CEP83: variants seen among roughly 807,000 people sequenced by gnomAD.
CEP83 encodes the protein centrosomal protein 83.
In CEP83, 70 loss-of-function variants were observed where a neutral mutation model predicts 101.9. The ratio of observed to expected loss-of-function variants is 0.69; its 90% CI spans 0.57 to 0.84. The LOEUF is 0.84. Among genes scored for constraint, CEP83 ranks in the 40% least tolerant of loss-of-function variants. The pLI is 0.00. For missense variants in CEP83, 715 were observed against 787.2 expected (o/e 0.91, Z 1.10); for synonymous variants, 264 against 267.9 (o/e 0.99, Z 0.14).
At chr12:94,444,185 G>C (rs1481949647) in intron 1 of CEP83, among the ~76,000 whole-genome samples, 2 of 152,144 alleles carry the variant, frequency 1.3e-5, no homozygotes, top group East Asian at 3.9e-4. Context: ...GATCACCTGA[G>C]GTCAGAAATT....
chr12:94,326,251 A>G (rs558387444), intron 14 of CEP83, among the ~76,000 whole-genome samples: 3 of 152,290 alleles, frequency 2.0e-5, no homozygotes, highest in African/African-American at 4.8e-5. Flanking sequence ...ACCTTGCCCA[A>G]TGCATTTCTC....
chr12:94,436,702 G>A (rs943384968), intron 1 of CEP83, among the ~76,000 whole-genome samples: 1 of 151,752 alleles, frequency 6.6e-6, no homozygotes, highest in African/African-American at 2.4e-5. Flanking sequence ...ACAGTGGCGT[G>A]CACCTGTAGT....
chr12:94,448,015 G>C (rs186598408), intron 1 of CEP83, among the ~76,000 whole-genome samples: 4 of 151,952 alleles, frequency 2.6e-5, no homozygotes, highest in African/African-American at 9.7e-5. Flanking sequence ...ATTCAAAGGG[G>C]GGATTATATT....
At chr12:94,269,206 G>A in the CEP83 span, among the ~76,000 whole-genome samples, 185 of 152,320 alleles carry the variant, frequency 1.2e-3, 2 homozygotes, top group African/African-American at 4.3e-3. Flanking sequence ...CCAATCTGCT[G>A]TATCTGAGAG....
At chr12:94,435,730 G>A (rs568733405) in intron 1 of CEP83, among the ~76,000 whole-genome samples, 2 of 152,224 alleles carry the variant, frequency 1.3e-5, no homozygotes, top group African/African-American at 2.4e-5. Context: ...CTGTTCCAAC[G>A]GAGAAAACAG....
At chr12:94,353,507 C>A (rs930601332) in intron 11 of CEP83, among the ~76,000 whole-genome samples, 4 of 151,910 alleles carry the variant, frequency 2.6e-5, no homozygotes, top group African/African-American at 9.7e-5. Context: ...ATTAAGAGAG[C>A]AAGAAAGAAA....
chr12:94,329,142 A>G (rs1450371046), intron 14 of CEP83, among the ~76,000 whole-genome samples: 1 of 152,250 alleles, frequency 6.6e-6, no homozygotes, highest in Non-Finnish European at 1.5e-5. Context: ...CACATTTTAA[A>G]AAGTAAAATG....
chr12:94,348,524 C>T (rs7311289), intron 11 of CEP83, among the ~76,000 whole-genome samples: 14,325 of 152,002 alleles, frequency 0.094, 796 homozygotes, highest in Admixed American at 0.15. Context: ...CAGATTGTGA[C>T]ATGCGACAAA....
At chr12:94,355,410 G>A (rs936522245) in intron 11 of CEP83, among the ~76,000 whole-genome samples, 7 of 151,942 alleles carry the variant, frequency 4.6e-5, no homozygotes, top group South Asian at 4.2e-4. Flanking sequence ...GGAGAATGGC[G>A]TGAACCCAGG....
chr12:94,454,238 G>C (rs1260836283), intron 1 of CEP83, among the ~76,000 whole-genome samples: 1 of 152,172 alleles, frequency 6.6e-6, no homozygotes, highest in East Asian at 1.9e-4. Flanking sequence ...TATATCAGTT[G>C]TAGAGAAGTC....
At chr12:94,361,876 T>C (rs2136939470) in intron 11 of CEP83, among the ~76,000 whole-genome samples, 1 of 152,156 alleles carries the variant, frequency 6.6e-6, no homozygotes, top group Non-Finnish European at 1.5e-5. Context: ...TAATTTTGTA[T>C]TTTTAGTAGA....
At chr12:94,300,676 C>T in the CEP83 span, among the ~76,000 whole-genome samples, 3 of 152,132 alleles carry the variant, frequency 2.0e-5, no homozygotes, top group Non-Finnish European at 2.9e-5. Context: ...AATTCTTGCC[C>T]ATGGCCACTT....
rs1490697969 is a variant in CEP83, at chr12:94,331,796, T to C, written c.1611A>G (p.Glu537=). 3 of 1,613,088 alleles carry C rather than the reference T, an allele frequency of 1.9e-6. No individual in the cohort carries two copies. The highest frequency in any genetic ancestry group is 2.7e-5 in the African/African-American group (2 of 74,938). ...TLEEKQIQWL[E]EKHKLHERIT... ...TACGCTCATGAAGCTTATGCTTTTC[T>C]TCCAACCACTGTATCTGTTTCTCTT... The change falls in exon 14 of 17, where the codon GAA becomes GAG. Residue 537 remains glutamate (E), a synonymous_variant. Coordinates refer to ENST00000397809, the MANE Select transcript of CEP83 (RefSeq NM_016122.3).
chr12:94,420,043 C>A (rs1005106061), intron 2 of CEP83, among the ~76,000 whole-genome samples: 1 of 152,150 alleles, frequency 6.6e-6, no homozygotes, highest in African/African-American at 2.4e-5. Flanking sequence ...TATCCATTTG[C>A]ATCTTTTGCC....
chr12:94,277,096 A>G, the CEP83 span: 1 of 152,226 alleles, frequency 6.6e-6, no homozygotes, highest in Non-Finnish European at 1.5e-5. Flanking sequence ...TAAATAATAG[A>G]AACTTATTTC....
Position 94,377,031 on chromosome 12 carries a change from A to C in CEP83, c.802-1014T>G, listed in dbSNP as rs112131336. Among the ~76,000 whole-genome samples the C allele has an allele frequency of 6.5e-3, 987 of 152,202 alleles. 16 individuals carry two copies. The highest frequency in any genetic ancestry group is 0.023 in the African/African-American group (940 of 41,530). On this transcript the variant is annotated intron_variant, in intron 7 of 16. Coordinates refer to ENST00000397809, the MANE Select transcript of CEP83 (RefSeq NM_016122.3). ...GCTGGGATTACAGGCATAAGCGACC[A>C]CACCTGACCTCAACATAATTAAAAT...
At chr12:94,288,756 A>G in the CEP83 span, among the ~76,000 whole-genome samples, 1 of 152,232 alleles carries the variant, frequency 6.6e-6, no homozygotes, top group Non-Finnish European at 1.5e-5. Context: ...GAGGGAGAAG[A>G]CGATACTGAC....
chr12:94,357,501 C>T (rs59737972), intron 11 of CEP83, among the ~76,000 whole-genome samples: 6,470 of 152,244 alleles, frequency 0.042, 415 homozygotes, highest in African/African-American at 0.14. Flanking sequence ...AATCCGATTT[C>T]GGGAAATGCC....
chr12:94,371,859 T>C (rs927354719), intron 8 of CEP83, among the ~76,000 whole-genome samples: 1 of 152,212 alleles, frequency 6.6e-6, no homozygotes, highest in African/African-American at 2.4e-5. Flanking sequence ...AACAGAAAAG[T>C]GAGTACTGCC....
Sources: gnomAD v4.1 joint callset for allele counts (sites outside exome capture counted in the v4.1 genomes callset) on GRCh38, gnomAD v4.1.1 for gene constraint, MANE v1.5 for transcripts, NCBI Gene and HGNC (gene_info 2026-07-23, HGNC 2026-07-21) for gene names.